Variants in SKAP2 observed in about 807,000 individuals in gnomAD.
SKAP2 encodes src kinase associated phosphoprotein 2.
In SKAP2, 28 loss-of-function variants were observed where a neutral mutation model predicts 54.9. That is an observed-to-expected ratio of 0.51 (90% CI 0.38 to 0.70). SKAP2 has a LOEUF of 0.70. Among genes scored for constraint, SKAP2 ranks in the 30% least tolerant of loss-of-function variants. SKAP2 has a pLI of 0.00. For synonymous variants in SKAP2, 137 were observed against 134.3 expected (o/e 1.02, Z -0.14); for missense variants, 356 against 424.1 (o/e 0.84, Z 1.41).
At chr7:26,681,734 T>C (rs539715434) in intron 11 of SKAP2, among the ~76,000 whole-genome samples, 7 of 152,342 alleles carry the variant, frequency 4.6e-5, no homozygotes, top group African/African-American at 1.7e-4. Flanking sequence ...AGACAAGTCA[T>C]GGCATTAATT....
chr7:26,713,387 C>A (rs1234817654), intron 9 of SKAP2, among the ~76,000 whole-genome samples: 1 of 152,048 alleles, frequency 6.6e-6, no homozygotes, highest in East Asian at 1.9e-4. Context: ...AGAACAGAAT[C>A]TGACATGCAA....
intron 4 of SKAP2, among the ~76,000 whole-genome samples, chr7:26,754,682 G>A (rs1443092934): frequency 6.6e-6 from 1 of 152,142 alleles, no homozygotes; most frequent in Non-Finnish European, 1.5e-5. Context: ...AGAACAAAAC[G>A]ATTGCTAACA....
chr7:26,749,689 T>C (rs748667063), intron 4 of SKAP2, among the ~76,000 whole-genome samples: 1 of 151,460 alleles, frequency 6.6e-6, no homozygotes. Flanking sequence ...CTGCATATGA[T>C]AGTGCCACTG....
At chr7:26,771,880 C>T (rs1245545293) in intron 4 of SKAP2, among the ~76,000 whole-genome samples, 2 of 152,152 alleles carry the variant, frequency 1.3e-5, no homozygotes, top group Non-Finnish European at 2.9e-5. Context: ...GAAAGTTATA[C>T]TGAATAACAA....
chr7:26,698,905 C>A (rs1222607953), intron 9 of SKAP2, among the ~76,000 whole-genome samples: 2 of 152,194 alleles, frequency 1.3e-5, no homozygotes, highest in Non-Finnish European at 2.9e-5. Context: ...CAGCTCCCCA[C>A]TATTTAAAGA....
chr7:26,800,335 C>T (rs10225924), intron 4 of SKAP2, among the ~76,000 whole-genome samples: 32,117 of 151,812 alleles, frequency 0.21, 3,477 homozygotes, highest in Non-Finnish European at 0.24. Flanking sequence ...ATAATGAAAA[C>T]AGAACACACC....
chr7:26,779,298 A>C (rs1046321074), intron 4 of SKAP2, among the ~76,000 whole-genome samples: 1 of 151,994 alleles, frequency 6.6e-6, no homozygotes, highest in African/African-American at 2.4e-5. Context: ...AGTGAATTCT[A>C]CTTTTACTTA....
intron 4 of SKAP2, among the ~76,000 whole-genome samples, chr7:26,810,731 G>C (rs1784124989): frequency 1.3e-5 from 2 of 152,114 alleles, no homozygotes; most frequent in Non-Finnish European, 1.5e-5. Context: ...CACCAGGCTG[G>C]AGTCCAGTGG....
At chr7:26,858,575 A>C (rs185971595) in intron 1 of SKAP2, among the ~76,000 whole-genome samples, 6 of 152,186 alleles carry the variant, frequency 3.9e-5, no homozygotes, top group African/African-American at 1.4e-4. Context: ...AAACACACCA[A>C]ATCACTGAAT....
rs59588152 is a variant in SKAP2 at position 26,668,681 on chromosome 7, T to TC, written c.*984dup. ...GATTCTGTTTTTTTTTTTTTTTTTT[T>TC]CTGAGATGGAGTCTCACTCTGTCGC... is the stretch of plus-strand genomic sequence containing the variant. On this transcript the variant is annotated 3_prime_UTR_variant, in exon 13 of 13. Coordinates refer to ENST00000345317, the MANE Select transcript of SKAP2 (RefSeq NM_003930.5). 14 of 147,790 alleles carry TC rather than the reference T, an allele frequency of 9.5e-5. No individual in the cohort carries two copies. The highest frequency in any genetic ancestry group is 6.4e-4 in the South Asian group (3 of 4,694). The allele number at this position is 147,790 out of a possible 1,614,324, so 9.2% of individuals were successfully genotyped here.
At chr7:26,776,850 G>C (rs909753742) in intron 4 of SKAP2, among the ~76,000 whole-genome samples, 28 of 152,098 alleles carry the variant, frequency 1.8e-4, no homozygotes, top group African/African-American at 6.3e-4. Context: ...TGACTTTTTA[G>C]CACAACATAC....
At chr7:26,804,168 A>G (rs1390275895) in intron 4 of SKAP2, among the ~76,000 whole-genome samples, 1 of 152,218 alleles carries the variant, frequency 6.6e-6, no homozygotes, top group African/African-American at 2.4e-5. Context: ...TGGATGGCCC[A>G]TGCTCCATGA....
intron 4 of SKAP2, among the ~76,000 whole-genome samples, chr7:26,827,780 A>G (rs1784520701): frequency 6.6e-6 from 1 of 152,194 alleles, no homozygotes; most frequent in Non-Finnish European, 1.5e-5. Flanking sequence ...AAATTGCTAT[A>G]AACATTTCTA....
At chr7:26,846,914 G>A (rs528866715) in intron 3 of SKAP2, among the ~76,000 whole-genome samples, 21 of 152,180 alleles carry the variant, frequency 1.4e-4, no homozygotes, top group Non-Finnish European at 3.1e-4. Context: ...CCTGGGAGGC[G>A]GTGAGCCAAG....
rs977470799 is a variant in SKAP2 at position 26,702,393 on chromosome 7, C to T, written c.797-12031G>A. Among the ~76,000 whole-genome samples, 9 of 152,160 alleles carry T rather than the reference C, an allele frequency of 5.9e-5. 1 individual carries two copies. Among genetic ancestry groups the T allele is most frequent in the Non-Finnish European group, 2.9e-5 (2 of 68,032 alleles). On this transcript the variant is annotated intron_variant, in intron 9 of 12. Coordinates refer to ENST00000345317, the MANE Select transcript of SKAP2 (RefSeq NM_003930.5). Reference sequence around the variant, plus strand: ...CTGGGCTCAAGCAATCCACCTGCCTCGGCTTCCCAAAGTGCTTGGGGTTAC... The same window carrying T: ...CTGGGCTCAAGCAATCCACCTGCCTTGGCTTCCCAAAGTGCTTGGGGTTAC...
intron 3 of SKAP2, among the ~76,000 whole-genome samples, chr7:26,847,587 A>G (rs1261357119): frequency 6.6e-6 from 1 of 152,228 alleles, no homozygotes; most frequent in African/African-American, 2.4e-5. Context: ...TATCCAATAT[A>G]ATTTACAGAC....
intron 4 of SKAP2, among the ~76,000 whole-genome samples, chr7:26,808,377 A>G (rs1784071094): frequency 6.6e-6 from 1 of 152,230 alleles, no homozygotes; most frequent in Non-Finnish European, 1.5e-5. Context: ...ATGTACAAAT[A>G]CAGTATGACT....
At chr7:26,861,997 G>A (rs954498971) in intron 1 of SKAP2, among the ~76,000 whole-genome samples, 3 of 151,958 alleles carry the variant, frequency 2.0e-5, no homozygotes, top group African/African-American at 7.2e-5. Context: ...ATAGTACCAT[G>A]CATTCTAAGA....
intron 4 of SKAP2, among the ~76,000 whole-genome samples, chr7:26,812,803 T>C (rs1784180694): frequency 6.6e-6 from 1 of 151,976 alleles, no homozygotes; most frequent in South Asian, 2.1e-4. Context: ...ACCATACAGT[T>C]TCAGTGAGAA....
Sources: gnomAD v4.1 joint callset for allele counts (sites outside exome capture counted in the v4.1 genomes callset) on GRCh38, gnomAD v4.1.1 for gene constraint, MANE v1.5 for transcripts, NCBI Gene and HGNC (gene_info 2026-07-23, HGNC 2026-07-21) for gene names.